Variants in FOXN2 observed in about 807,000 individuals in gnomAD.
The protein encoded by FOXN2 is forkhead box protein N2.
Under a neutral mutation model 41.2 loss-of-function variants are expected in FOXN2, and 19 were observed. The ratio of observed to expected loss-of-function variants is 0.46; its 90% confidence interval spans 0.32 to 0.68. The LOEUF (loss-of-function observed/expected upper bound fraction) is 0.68. FOXN2 is among the 30% of genes least tolerant of loss of function. FOXN2 has a pLI of 0.03. For missense variants in FOXN2, 587 were observed against 509.4 expected (o/e 1.15, Z -1.47); for synonymous variants, 195 against 176.8 (o/e 1.10, Z -0.82).
At chr2:48,347,941 A>G (rs1485817277) in intron 3 of FOXN2, among the ~76,000 whole-genome samples, 1 of 151,516 alleles carries the variant, frequency 6.6e-6, no homozygotes, top group Non-Finnish European at 1.5e-5. Flanking sequence ...ATTCCTCTTT[A>G]TGTAATGTCT....
At chr2:48,363,819 A>G (rs1672355111) in intron 5 of FOXN2, among the ~76,000 whole-genome samples, 2 of 152,244 alleles carry the variant, frequency 1.3e-5, no homozygotes, top group African/African-American at 4.8e-5. Flanking sequence ...AGGCTATACC[A>G]TTTAGGTTTA....
intron 5 of FOXN2, among the ~76,000 whole-genome samples, chr2:48,363,975 C>T (rs975264944): frequency 7.2e-5 from 11 of 152,188 alleles, no homozygotes; most frequent in African/African-American, 2.7e-4. Context: ...GTTGCCCACA[C>T]TGATCTTCTG....
intron 4 of FOXN2, among the ~76,000 whole-genome samples, chr2:48,361,069 C>G (rs1339893197): frequency 6.6e-6 from 1 of 151,244 alleles, no homozygotes; most frequent in African/African-American, 2.4e-5. Flanking sequence ...TAAACCATCA[C>G]AAATATATTT....
chr2:48,351,098 C>T (rs574165655), intron 3 of FOXN2, among the ~76,000 whole-genome samples: 1 of 151,212 alleles, frequency 6.6e-6, no homozygotes, highest in South Asian at 2.1e-4. Flanking sequence ...GTAGCTGGGA[C>T]TGTAGGCATG....
chr2:48,368,382 A>G (rs1474154417), intron 5 of FOXN2, among the ~76,000 whole-genome samples: 1 of 152,194 alleles, frequency 6.6e-6, no homozygotes, highest in Non-Finnish European at 1.5e-5. Flanking sequence ...TTTAAATTTC[A>G]TAGCAAAATT....
At chr2:48,329,531 GC>G (rs1669899714) in intron 2 of FOXN2, among the ~76,000 whole-genome samples, 2 of 152,114 alleles carry the variant, frequency 1.3e-5, no homozygotes, top group South Asian at 4.1e-4. Context: ...ACTAGAAAAT[GC>G]AGCTGCACAC....
chr2:48,321,384 A>C (rs909832998), intron 1 of FOXN2, among the ~76,000 whole-genome samples: 2 of 152,098 alleles, frequency 1.3e-5, no homozygotes, highest in African/African-American at 4.8e-5. Flanking sequence ...AATACAAAAA[A>C]AATTAGGCGG....
At chr2:48,367,728 A>G (rs569328650) in intron 5 of FOXN2, among the ~76,000 whole-genome samples, 1 of 152,250 alleles carries the variant, frequency 6.6e-6, no homozygotes, top group South Asian at 2.1e-4. Context: ...CCTTACTCTC[A>G]TATGGCTAAA....
intron 2 of FOXN2, among the ~76,000 whole-genome samples, chr2:48,339,442 G>A (rs1670591474): frequency 6.6e-6 from 1 of 152,116 alleles, no homozygotes; most frequent in Non-Finnish European, 1.5e-5. Context: ...CTGCCACCAT[G>A]TGAAGAAGGA....
intron 3 of FOXN2, among the ~76,000 whole-genome samples, chr2:48,351,144 T>C (rs1479358520): frequency 6.6e-6 from 1 of 152,038 alleles, no homozygotes; most frequent in East Asian, 1.9e-4. Flanking sequence ...CTAATTTTAG[T>C]AGAGACAGGG....
At chr2:48,356,582 AATT>A (rs138014532) in intron 3 of FOXN2, among the ~76,000 whole-genome samples, 20,412 of 152,196 alleles carry the variant, frequency 0.13, 1,662 homozygotes, top group East Asian at 0.45. Flanking sequence ...TTAATCAGTT[AATT>A]ATTTTTAATT....
At chr2:48,359,529 A>G (rs911592444) in intron 4 of FOXN2, among the ~76,000 whole-genome samples, 2 of 151,666 alleles carry the variant, frequency 1.3e-5, no homozygotes, top group African/African-American at 2.4e-5. Context: ...CCTGACTTCA[A>G]GTGATCCTCC....
chr2:48,321,645 T>C (rs555056840), intron 1 of FOXN2, among the ~76,000 whole-genome samples: 12 of 152,290 alleles, frequency 7.9e-5, no homozygotes, highest in African/African-American at 2.9e-4. Context: ...GTACATTTTA[T>C]GTGGTAAGGG....
intron 2 of FOXN2, among the ~76,000 whole-genome samples, chr2:48,339,913 A>T (rs192551974): frequency 2.6e-4 from 39 of 152,354 alleles, no homozygotes; most frequent in Non-Finnish European, 1.6e-4. Context: ...TTGAATATTC[A>T]TAAAATGGAA....
chr2:48,348,821 C>G (rs1345754875), intron 3 of FOXN2, among the ~76,000 whole-genome samples: 3 of 152,200 alleles, frequency 2.0e-5, no homozygotes, highest in Non-Finnish European at 4.4e-5. Flanking sequence ...ACTGCTACAA[C>G]TTCATCTTCT....
At chr2:48,320,764 A>G (rs1168796646) in intron 1 of FOXN2, among the ~76,000 whole-genome samples, 1 of 152,202 alleles carries the variant, frequency 6.6e-6, no homozygotes, top group East Asian at 1.9e-4. Context: ...TTAGGATGAG[A>G]TGCTTACATC....
At position 48,375,474 on chromosome 2, in the gene FOXN2, C is replaced by G. The variant is rs758613362; in HGVS notation, c.*31C>G. On this transcript the variant is annotated 3_prime_UTR_variant, in exon 7 of 7. Transcript: ENST00000340553. ...CTTAAAGTGTGGCAATACTCTTTCA[C>G]TTAATTCTTTACAAGGGATATCAAA... 4 of 1,553,474 alleles carry G rather than the reference C, an allele frequency of 2.6e-6. No homozygotes were observed. The East Asian group carries it at 6.8e-5, about 26-fold the overall frequency.
intron 3 of FOXN2, among the ~76,000 whole-genome samples, chr2:48,352,282 T>C (rs1286057787): frequency 6.6e-6 from 1 of 152,246 alleles, no homozygotes; most frequent in Non-Finnish European, 1.5e-5. Context: ...TTTGTAATCA[T>C]TGCCCTCCTT....
intron 1 of FOXN2, among the ~76,000 whole-genome samples, chr2:48,323,277 A>G (rs1669455955): frequency 1.3e-5 from 2 of 152,186 alleles, no homozygotes; most frequent in Admixed American, 6.5e-5. Flanking sequence ...CTGAAACGTC[A>G]TGGTAGTTCT....
Sources: allele counts gnomAD v4.1 joint callset (sites outside exome capture counted in the v4.1 genomes callset), GRCh38; gene constraint gnomAD v4.1.1; transcripts MANE v1.5; gene names NCBI Gene and HGNC (gene_info 2026-07-23, HGNC 2026-07-21).